Variants in GABBR2 observed in about 807,000 individuals in gnomAD.
GABBR2 encodes the protein G-protein coupled receptor 51.
GABBR2 carries 23 observed loss-of-function variants against 105.6 expected under a neutral mutation model. That is an observed-to-expected ratio of 0.22 (90% CI 0.16 to 0.31). The LOEUF (loss-of-function observed/expected upper bound fraction) is 0.31. GABBR2 is among the 10% of genes least tolerant of loss of function. GABBR2 has a pLI of 1.00. For synonymous variants in GABBR2, 478 were observed against 499.7 expected, an observed-to-expected ratio of 0.96 and a Z score of 0.58; for missense variants, 734 against 1,245.5, an observed-to-expected ratio of 0.59 and a Z score of 6.18.
At chr9:98,413,473 C>G (rs1056430141) in intron 7 of GABBR2, among the ~76,000 whole-genome samples, 4 of 152,070 alleles carry the variant, frequency 2.6e-5, no homozygotes, top group African/African-American at 9.7e-5. Flanking sequence ...TTTATGTCCC[C>G]TTGAGCTATA....
chr9:98,460,817 AGATGAACACAAAG>A (rs907678263), intron 6 of GABBR2, among the ~76,000 whole-genome samples: 2 of 56,060 alleles, frequency 3.6e-5, no homozygotes, highest in Non-Finnish European at 1.2e-4. Flanking sequence ...ACTCCAGGCA[AGATGAACACAAAG>A]GAAAGTTCAC....
intron 11 of GABBR2, among the ~76,000 whole-genome samples, chr9:98,381,234 T>C (rs1427058200): frequency 6.6e-6 from 1 of 152,206 alleles, no homozygotes. Flanking sequence ...ATTTTACAGA[T>C]GAGAAAACTG....
chr9:98,494,409 AG>A (rs1479671906), intron 4 of GABBR2, among the ~76,000 whole-genome samples: 1 of 152,172 alleles, frequency 6.6e-6, no homozygotes, highest in East Asian at 1.9e-4. Context: ...GGAGCTGTGC[AG>A]GTGTCTGGGT....
chr9:98,348,893 C>G (rs1564026690), intron 13 of GABBR2, among the ~76,000 whole-genome samples: 1 of 152,158 alleles, frequency 6.6e-6, no homozygotes, highest in South Asian at 2.1e-4. Context: ...TGACTCCCCC[C>G]TTTCCCTTTT....
intron 1 of GABBR2, among the ~76,000 whole-genome samples, chr9:98,618,287 G>C (rs1829616179): frequency 1.3e-5 from 2 of 152,106 alleles, no homozygotes; most frequent in Non-Finnish European, 2.9e-5. Flanking sequence ...TACTAGACTT[G>C]TGCCCTTTTT....
At chr9:98,627,969 G>GA (rs796690610) in intron 1 of GABBR2, among the ~76,000 whole-genome samples, 82 of 152,094 alleles carry the variant, frequency 5.4e-4, no homozygotes, top group African/African-American at 1.9e-3. Context: ...ACTTTCTGCT[G>GA]AAAAAAACAG....
At chr9:98,326,327 C>T (rs1433843334) in intron 13 of GABBR2, among the ~76,000 whole-genome samples, 8 of 152,302 alleles carry the variant, frequency 5.3e-5, no homozygotes, top group South Asian at 2.1e-4. Flanking sequence ...GTAATAATCC[C>T]ATGCAAGGTA....
chr9:98,485,809 G>A (rs990016845), intron 4 of GABBR2, among the ~76,000 whole-genome samples: 3 of 152,198 alleles, frequency 2.0e-5, no homozygotes, highest in African/African-American at 7.2e-5. Context: ...CCCGGCTGCA[G>A]TGAGGGTGGG....
At chr9:98,403,395 G>A (rs1832433476) in intron 8 of GABBR2, among the ~76,000 whole-genome samples, 1 of 152,074 alleles carries the variant, frequency 6.6e-6, no homozygotes, top group Admixed American at 6.6e-5. Flanking sequence ...AATGCAGAGA[G>A]GGTGAGGGGA....
intron 9 of GABBR2, among the ~76,000 whole-genome samples, chr9:98,391,078 T>C (rs1457109899): frequency 2.0e-5 from 3 of 152,204 alleles, no homozygotes; most frequent in Non-Finnish European, 2.9e-5. Context: ...ACTCATTCAT[T>C]CATCATTAAT....
chr9:98,542,283 A>C (rs1305158799), intron 2 of GABBR2, among the ~76,000 whole-genome samples: 8 of 152,204 alleles, frequency 5.3e-5, no homozygotes. Context: ...TCCCTAAAGA[A>C]CCATCATTCA....
chr9:98,600,553 C>T (rs979105905), intron 1 of GABBR2, among the ~76,000 whole-genome samples: 2 of 152,260 alleles, frequency 1.3e-5, no homozygotes, highest in Non-Finnish European at 1.5e-5. Flanking sequence ...GCTTTCTCTG[C>T]ATAAGCCTTC....
At position 98,708,630 on chromosome 9, in the gene GABBR2, C is replaced by A. The variant is rs1304390988; in HGVS notation, c.108G>T (p.Ala36=). ...CCCGCGCCCAGCCCCAGGCCCCGGG[C>A]GCCAGAGGCAGCAGCAGCGGCAGCA... The part of the protein sequence containing the change: ...LLLLPLLLPL[A]PGAWGWARGA... Residue 36 remains alanine, a synonymous_variant, in exon 1 of 19, where the codon GCG becomes GCT. Coordinates refer to ENST00000259455, the MANE Select transcript of GABBR2 (RefSeq NM_005458.8). The A allele has an allele frequency of 7.9e-7, 1 of 1,271,478 alleles. No homozygotes were observed. The allele number at this position is 1,271,478 out of a possible 1,614,324, so 78.8% of individuals were successfully genotyped here.
intron 1 of GABBR2, among the ~76,000 whole-genome samples, chr9:98,658,714 A>G (rs574084676): frequency 2.0e-5 from 3 of 152,210 alleles, no homozygotes; most frequent in South Asian, 2.1e-4. Flanking sequence ...CAAGTAATGC[A>G]GAAGGAAAAA....
At chr9:98,298,058 A>AG (rs386415594) in intron 17 of GABBR2, among the ~76,000 whole-genome samples, 15 of 151,538 alleles carry the variant, frequency 9.9e-5, no homozygotes, top group Admixed American at 8.5e-4. Flanking sequence ...AAAAAAAAAA[A>AG]AGTAATGTAA....
chr9:98,548,256 G>C lies in GABBR2; in HGVS notation c.460-6213C>G, dbSNP rs1828429553. 1.7e-5 allele frequency among the ~76,000 whole-genome samples: 2 copies of C among 120,882 alleles called. 1 individual carries two copies. The highest frequency in any genetic ancestry group is 5.3e-5 in the African/African-American group (2 of 37,704). 79.3% of individuals were successfully genotyped at this position (120,882 alleles called of 152,430 possible). On this transcript the variant is annotated intron_variant, in intron 2 of 18. Transcript: ENST00000259455. The stretch of plus-strand genomic sequence containing the variant: ...GCACTTGGCCCTGTTTTCTATTTAC[G>C]TTTTAATTGCATATACTTCTCAGAA...
chr9:98,559,410 G>A lies in GABBR2; in HGVS notation c.460-17367C>T, dbSNP rs373480095. 2.1e-3 allele frequency among the ~76,000 whole-genome samples: 322 copies of A among 152,264 alleles called. 3 individuals are homozygous for A. Among genetic ancestry groups the A allele is most frequent in the African/African-American group, 7.5e-3 (310 of 41,556 alleles). On this transcript the variant is annotated intron_variant, in intron 2 of 18. Coordinates refer to ENST00000259455, the MANE Select transcript of GABBR2 (RefSeq NM_005458.8). ...CTCCCAAAGTGCTGGGATTACAGGC[G>A]TGAGCCATATGTTTAATTTACAAAC... is the stretch of plus-strand genomic sequence containing the variant.
At chr9:98,420,536 C>G (rs779562654) in intron 7 of GABBR2, among the ~76,000 whole-genome samples, 1 of 152,186 alleles carries the variant, frequency 6.6e-6, no homozygotes, top group African/African-American at 2.4e-5. Flanking sequence ...ACTGGAGATA[C>G]AACAATCCCC....
chr9:98,505,232 C>A (rs10986469), intron 3 of GABBR2, among the ~76,000 whole-genome samples: 2 of 152,146 alleles, frequency 1.3e-5, no homozygotes, highest in African/African-American at 4.8e-5. Context: ...AGCATTCCTT[C>A]TGAGAAATGG....
Sources: gnomAD v4.1 joint callset for allele counts (sites outside exome capture counted in the v4.1 genomes callset) on GRCh38, gnomAD v4.1.1 for gene constraint, MANE v1.5 for transcripts, NCBI Gene and HGNC (gene_info 2026-07-23, HGNC 2026-07-21) for gene names.